BMAL1: variants seen among roughly 807,000 people sequenced by gnomAD.
The protein encoded by BMAL1 is basic helix-loop-helix ARNT like 1.
the BMAL1 span, among the ~76,000 whole-genome samples, chr11:13,321,270 C>A: frequency 6.6e-6 from 1 of 152,060 alleles, no homozygotes; most frequent in African/African-American, 2.4e-5. Flanking sequence ...GATATAAGTT[C>A]TTTTGGGTTG....
the BMAL1 span, chr11:13,381,039 T>C: frequency 1.1e-6 from 1 of 901,694 alleles, no homozygotes; most frequent in Non-Finnish European, 1.7e-6. Flanking sequence ...TCTGGCCCCT[T>C]ACAGAAAAAG....
the BMAL1 span, chr11:13,376,582 T>A: frequency 1 from 1,555,113 of 1,557,890 alleles, 776,208 homozygotes; most frequent in East Asian, 1. Flanking sequence ...CCAAGTTGAA[T>A]GGTGCACAGT....
At chr11:13,319,863 G>C in the BMAL1 span, among the ~76,000 whole-genome samples, 26 of 152,216 alleles carry the variant, frequency 1.7e-4, no homozygotes, top group African/African-American at 6.3e-4. Flanking sequence ...GGGAGTGCCA[G>C]GCCTTGGGCC....
chr11:13,376,232 A>G, the BMAL1 span, among the ~76,000 whole-genome samples: 1 of 152,180 alleles, frequency 6.6e-6, no homozygotes, highest in African/African-American at 2.4e-5. Flanking sequence ...AGATGAGCAG[A>G]GGGAGGTGAA....
At chr11:13,325,106 T>TA in the BMAL1 span, among the ~76,000 whole-genome samples, 1 of 152,222 alleles carries the variant, frequency 6.6e-6, no homozygotes, top group Non-Finnish European at 1.5e-5. Flanking sequence ...GATTCCTTTA[T>TA]AAGAAAAGCA....
the BMAL1 span, among the ~76,000 whole-genome samples, chr11:13,279,277 C>T: frequency 1.3e-5 from 2 of 152,326 alleles, no homozygotes; most frequent in East Asian, 3.9e-4. Flanking sequence ...ACCCGTATAC[C>T]CGTATTTCCA....
the BMAL1 span, among the ~76,000 whole-genome samples, chr11:13,384,564 GTC>G: frequency 6.6e-6 from 1 of 152,202 alleles, no homozygotes; most frequent in African/African-American, 2.4e-5. Flanking sequence ...TATTTGAAAA[GTC>G]TATTAAAATA....
the BMAL1 span, chr11:13,372,247 A>G: frequency 4.2e-5 from 68 of 1,614,210 alleles, no homozygotes; most frequent in East Asian, 1.3e-3. Flanking sequence ...GATGAAGACA[A>G]CGAACCAGAC....
At chr11:13,312,000 G>T in the BMAL1 span, among the ~76,000 whole-genome samples, 1 of 152,160 alleles carries the variant, frequency 6.6e-6, no homozygotes, top group Non-Finnish European at 1.5e-5. Flanking sequence ...GTATCAATTT[G>T]TGCTCTGAGT....
At chr11:13,328,495 G>A in the BMAL1 span, among the ~76,000 whole-genome samples, 1 of 152,160 alleles carries the variant, frequency 6.6e-6, no homozygotes, top group East Asian at 1.9e-4. Context: ...AGCAGCCGTA[G>A]GCATGATGAT....
chr11:13,338,252 A>G, the BMAL1 span, among the ~76,000 whole-genome samples: 5 of 152,102 alleles, frequency 3.3e-5, no homozygotes, highest in Admixed American at 3.3e-4. Context: ...AGCCGATTTC[A>G]TTTTCATTAA....
the BMAL1 span, chr11:13,365,463 C>A: frequency 6.4e-7 from 1 of 1,565,028 alleles, no homozygotes; most frequent in Non-Finnish European, 8.8e-7. Context: ...ATGTTTCCTA[C>A]AGTATGAGAA....
the BMAL1 span, chr11:13,372,268 G>GT: frequency 6.2e-7 from 1 of 1,614,188 alleles, no homozygotes; most frequent in Non-Finnish European, 8.5e-7. Context: ...AATGAGGGGT[G>GT]TAACCTCAGC....
At chr11:13,285,875 A>G in the BMAL1 span, among the ~76,000 whole-genome samples, 420 of 152,342 alleles carry the variant, frequency 2.8e-3, 4 homozygotes, top group African/African-American at 9.3e-3. Flanking sequence ...TTGCATATAA[A>G]CAAATTAAGG....
chr11:13,279,563 C>G, the BMAL1 span, among the ~76,000 whole-genome samples: 1 of 152,200 alleles, frequency 6.6e-6, no homozygotes, highest in African/African-American at 2.4e-5. Context: ...ATATCATGCT[C>G]TCTCTGCTTG....
chr11:13,358,226 G>A, the BMAL1 span, among the ~76,000 whole-genome samples: 2 of 152,164 alleles, frequency 1.3e-5, no homozygotes, highest in Non-Finnish European at 2.9e-5. Context: ...TAAAGATGAG[G>A]TAAACATAAA....
the BMAL1 span, among the ~76,000 whole-genome samples, chr11:13,327,713 G>A: frequency 2.6e-5 from 4 of 152,168 alleles, no homozygotes; most frequent in Non-Finnish European, 4.4e-5. Context: ...ATAGTTGTTT[G>A]TGTTAGCAGC....
At chr11:13,323,861 C>T in the BMAL1 span, among the ~76,000 whole-genome samples, 1 of 152,186 alleles carries the variant, frequency 6.6e-6, no homozygotes, top group Admixed American at 6.5e-5. Context: ...AAGTGATCCA[C>T]CCGCCTTGGC....
the BMAL1 span, among the ~76,000 whole-genome samples, chr11:13,355,836 G>C: frequency 6.6e-6 from 1 of 152,178 alleles, no homozygotes; most frequent in Non-Finnish European, 1.5e-5. Flanking sequence ...CCCATGATAT[G>C]ATCCAGTGCT....
Sources: allele counts gnomAD v4.1 joint callset (sites outside exome capture counted in the v4.1 genomes callset), GRCh38; gene constraint gnomAD v4.1.1; transcripts MANE v1.5; gene names NCBI Gene and HGNC (gene_info 2026-07-23, HGNC 2026-07-21).